Variants in PLCB4 observed in about 807,000 individuals in gnomAD.
The protein encoded by PLCB4 is phospholipase C beta 4, also known as 1-phosphatidylinositol 4,5-bisphosphate phosphodiesterase beta-4.
PLCB4 carries 77 observed loss-of-function variants against 178.8 expected under a neutral mutation model. The ratio of observed to expected loss-of-function variants is 0.43; its 90% CI spans 0.36 to 0.52. The LOEUF (loss-of-function observed/expected upper bound fraction) is 0.52. Among genes scored for constraint, PLCB4 ranks in the 20% least tolerant of loss-of-function variants. PLCB4 has a pLI of 0.00. For synonymous variants in PLCB4, 496 were observed against 490.8 expected, an observed-to-expected ratio of 1.01 and a Z score of -0.14; for missense variants, 1,024 against 1,453.4, an observed-to-expected ratio of 0.70 and a Z score of 4.80.
chr20:9,206,223 T>TA (rs2093611701), intron 2 of PLCB4, among the ~76,000 whole-genome samples: 1 of 152,094 alleles, frequency 6.6e-6, no homozygotes, highest in African/African-American at 2.4e-5. Context: ...GCAGTGGCTT[T>TA]AAAAAAATCA....
At chr20:9,356,733 G>A (rs1372467569) in intron 7 of PLCB4, among the ~76,000 whole-genome samples, 2 of 152,142 alleles carry the variant, frequency 1.3e-5, no homozygotes, top group Non-Finnish European at 2.9e-5. Flanking sequence ...CATATTATTT[G>A]AGCAGATTAA....
At position 9,446,805 on chromosome 20, in the gene PLCB4, C is replaced by T. The variant is rs183519899; in HGVS notation, c.2880+2562C>T. Among the ~76,000 whole-genome samples, 3 of 152,270 alleles carry T rather than the reference C, an allele frequency of 2.0e-5. No homozygotes were observed. In the East Asian group the frequency reaches 5.8e-4, roughly 29 times the overall value. ...CTGAGGCAGGAGAATCACTTGAACC[C>T]AGGAGGCGGAGGTTGCAGTGAGCTG... On this transcript the variant is annotated intron_variant, in intron 32 of 39. Coordinates refer to ENST00000378473, the MANE Select transcript of PLCB4 (RefSeq NM_001377142.1).
At chr20:9,395,074 T>C (rs142556276) in intron 18 of PLCB4, among the ~76,000 whole-genome samples, 319 of 152,358 alleles carry the variant, frequency 2.1e-3, no homozygotes, top group African/African-American at 7.4e-3. Flanking sequence ...TAGTAGGATA[T>C]AATCCCCATT....
At chr20:9,146,903 A>G (rs183707753) in intron 2 of PLCB4, among the ~76,000 whole-genome samples, 13 of 152,274 alleles carry the variant, frequency 8.5e-5, no homozygotes, top group Admixed American at 3.9e-4. Flanking sequence ...AAATTAGACC[A>G]TATGTGGATT....
At chr20:9,215,367 T>C (rs1227190490) in intron 2 of PLCB4, among the ~76,000 whole-genome samples, 1 of 152,186 alleles carries the variant, frequency 6.6e-6, no homozygotes, top group Admixed American at 6.6e-5. Context: ...CGAGGGTGCC[T>C]GGGTTTGAAT....
intron 1 of PLCB4, among the ~76,000 whole-genome samples, chr20:9,077,729 T>G (rs2089939716): frequency 6.6e-6 from 1 of 152,188 alleles, no homozygotes. Context: ...CACCCTTTAA[T>G]CTGTTGTTAG....
rs144506345 is a variant in PLCB4, at chr20:9,338,043, T to C, written c.201T>C (p.Ser67=). 8.6e-5 allele frequency: 139 copies of C among 1,611,932 alleles called. 1 individual carries two copies. The East Asian group carries it at 3.0e-3, about 35-fold the overall frequency. The stretch of plus-strand genomic sequence containing the variant: ...TGCTAGAATGCTCCCTCATCAACAG[T>C]ATTCGGTCGGGAGCCATACCAAAGG... ...GQVLECSLIN[S]IRSGAIPKDP... The change falls in exon 6 of 40, where the codon AGT becomes AGC. Residue 67 remains serine (S), a synonymous_variant. Coordinates refer to ENST00000378473, the MANE Select transcript of PLCB4 (RefSeq NM_001377142.1).
intron 2 of PLCB4, among the ~76,000 whole-genome samples, chr20:9,106,088 G>A (rs2146659664): frequency 6.6e-6 from 1 of 152,108 alleles, no homozygotes; most frequent in South Asian, 2.1e-4. Flanking sequence ...AGTATAAAGA[G>A]CTTTTAAAAT....
intron 3 of PLCB4, among the ~76,000 whole-genome samples, chr20:9,220,670 T>C (rs1456584654): frequency 6.6e-6 from 1 of 152,218 alleles, no homozygotes; most frequent in Non-Finnish European, 1.5e-5. Context: ...ACAGAATTTA[T>C]AACATTAGTG....
At chr20:9,321,707 C>T (rs2094960107) in intron 4 of PLCB4, among the ~76,000 whole-genome samples, 1 of 152,218 alleles carries the variant, frequency 6.6e-6, no homozygotes, top group South Asian at 2.1e-4. Context: ...GCTCTGGGCT[C>T]ACTGAAACCT....
intron 3 of PLCB4, among the ~76,000 whole-genome samples, chr20:9,299,631 A>G (rs1036690166): frequency 9.9e-5 from 15 of 152,098 alleles, no homozygotes; most frequent in Non-Finnish European, 1.6e-4. Flanking sequence ...ATTGTTAAGC[A>G]AATAACTATT....
At chr20:9,095,751 C>G (rs2090885955) in intron 1 of PLCB4, among the ~76,000 whole-genome samples, 1 of 151,812 alleles carries the variant, frequency 6.6e-6, no homozygotes. Flanking sequence ...AAAGTCTTAG[C>G]TAAGAAAAAT....
chr20:9,373,200 C>T lies in PLCB4; in HGVS notation c.744+96C>T, dbSNP rs1306744187. On this transcript the variant is annotated intron_variant, in intron 12 of 39. Coordinates refer to ENST00000378473, the MANE Select transcript of PLCB4 (RefSeq NM_001377142.1). ...CATGCCTGCATCATATGCCCTTATTCGCTTTGCTTCTGACCTGCTGATCTT... is the reference window on the plus strand; with the variant it reads ...CATGCCTGCATCATATGCCCTTATTTGCTTTGCTTCTGACCTGCTGATCTT... The T allele has an allele frequency of 1.3e-5, 8 of 612,408 alleles. 1 individual carries two copies. The highest frequency in any genetic ancestry group is 2.5e-4 in the Middle Eastern group (1 of 3,930). The allele number at this position is 612,408 out of a possible 1,614,324, so 37.9% of individuals were successfully genotyped here.
intron 30 of PLCB4, among the ~76,000 whole-genome samples, chr20:9,441,359 C>A (rs1337130469): frequency 6.6e-6 from 1 of 152,134 alleles, no homozygotes; most frequent in African/African-American, 2.4e-5. Flanking sequence ...AAACTCTACT[C>A]CAGGAGCCTT....
At chr20:9,302,475 G>T (rs1372692522) in intron 3 of PLCB4, among the ~76,000 whole-genome samples, 1 of 152,052 alleles carries the variant, frequency 6.6e-6, no homozygotes, top group Non-Finnish European at 1.5e-5. Flanking sequence ...GCCCTAGGAA[G>T]TTTTCCACAG....
intron 4 of PLCB4, among the ~76,000 whole-genome samples, chr20:9,317,469 A>G (rs1349165023): frequency 6.6e-6 from 1 of 152,092 alleles, no homozygotes; most frequent in African/African-American, 2.4e-5. Context: ...TTATTTCTTC[A>G]CAAAAGTAGA....
chr20:9,245,878 C>T (rs974304759), intron 3 of PLCB4, among the ~76,000 whole-genome samples: 5 of 152,020 alleles, frequency 3.3e-5, no homozygotes, highest in African/African-American at 4.8e-5. Context: ...GTGATCCATC[C>T]GCCTCAGCCT....
At chr20:9,161,376 C>T (rs770610319) in intron 2 of PLCB4, among the ~76,000 whole-genome samples, 1 of 152,178 alleles carries the variant, frequency 6.6e-6, no homozygotes, top group African/African-American at 2.4e-5. Context: ...GGGAAGATAA[C>T]GTTGGCTTGT....
At chr20:9,450,513 G>A (rs1489753784) in intron 32 of PLCB4, among the ~76,000 whole-genome samples, 1 of 152,084 alleles carries the variant, frequency 6.6e-6, no homozygotes, top group East Asian at 1.9e-4. Flanking sequence ...TCCTGTTACT[G>A]ACATTAATTA....
Sources: allele counts gnomAD v4.1 joint callset (sites outside exome capture counted in the v4.1 genomes callset), GRCh38; gene constraint gnomAD v4.1.1; transcripts MANE v1.5; gene names NCBI Gene and HGNC (gene_info 2026-07-23, HGNC 2026-07-21).